The following JPH4 variants were observed in gnomAD, a reference collection of about 807,000 sequenced individuals.
JPH4 encodes junctophilin 4.
Under a neutral mutation model 57.6 loss-of-function variants are expected in JPH4, and 18 were observed. The ratio of observed to expected loss-of-function variants is 0.31; its 90% confidence interval spans 0.22 to 0.46. JPH4 has a LOEUF of 0.46. JPH4 is among the 20% of genes least tolerant of loss of function. The pLI is 1.00. For synonymous variants in JPH4, 425 were observed against 406.6 expected (o/e 1.05, Z -0.54); for missense variants, 727 against 911.1 (o/e 0.80, Z 2.60).
chr14:23,571,771 A>G lies in JPH4; in HGVS notation c.1270+31T>C, dbSNP rs1356958726. 3.2e-6 allele frequency: 5 copies of G among 1,586,988 alleles called. No homozygotes were observed. Among genetic ancestry groups the G allele is most frequent in the Non-Finnish European group, 4.3e-6 (5 of 1,159,336 alleles). The stretch of plus-strand genomic sequence containing the variant: ...GCCTCTCTAGCTCCCTAGGGGCCTC[A>G]CTGCCCTCCCCCCAGCTGTCCATGC... On this transcript the variant is annotated intron_variant, in intron 4 of 5. Coordinates refer to ENST00000356300, the MANE Select transcript of JPH4 (RefSeq NM_001146028.2). The surrounding 1 kb of genome is among the most constrained non-coding windows in gnomAD (Gnocchi z 4.6).
rs1888922054 is a variant in JPH4 at position 23,568,686 on chromosome 14, TG to T, written c.*947del. 1.0e-6 allele frequency: 1 copy of T among 985,750 alleles called. No homozygotes were observed. The highest frequency in any genetic ancestry group is 1.7e-5 in the African/African-American group (1 of 57,204). The allele number at this position is 985,750 out of a possible 1,614,324, so 61.1% of individuals were successfully genotyped here. A position where few individuals can be genotyped will look rare whatever the true frequency, so the allele number is the denominator to read the frequency against. Reference sequence around the variant, plus strand: ...CTCCTCCCACCACAACTCCCAGAGTTGGGATGTGGGGGCCTTGCTCAAGTGC... The same window carrying T: ...CTCCTCCCACCACAACTCCCAGAGTTGGATGTGGGGGCCTTGCTCAAGTGC... On this transcript the variant is annotated 3_prime_UTR_variant, in exon 6 of 6. Transcript: ENST00000356300.
rs1372044210 is a variant in JPH4 at position 23,575,885 on chromosome 14, G to A, written c.951C>T (p.Tyr317=). Residue 317 remains tyrosine, a synonymous_variant, in exon 3 of 6, where the codon TAC becomes TAT. Transcript: ENST00000356300. The surrounding 1 kb of genome is among the most constrained non-coding windows in gnomAD (Gnocchi z 6.9). Reference sequence around the variant, plus strand: ...AGCCGTCGGGGCGGGTGGTGCGCCCGTAGCCGTGCCGCCGGTTGCCCAGCC... The same window carrying A: ...AGCCGTCGGGGCGGGTGGTGCGCCCATAGCCGTGCCGCCGGTTGCCCAGCC... The part of the protein sequence containing the change: ...GEWLGNRRHG[Y]GRTTRPDGSR... 9.5e-6 allele frequency: 15 copies of A among 1,573,440 alleles called. No individual in the cohort carries two copies. In the East Asian group the frequency reaches 2.5e-4, roughly 27 times the overall value.
Position 23,571,174 on chromosome 14 carries a change from C to T in JPH4, c.1557G>A (p.Gly519=). Residue 519 remains glycine (G), a synonymous_variant, in exon 5 of 6, where the codon GGG becomes GGA. Coordinates refer to ENST00000356300, the MANE Select transcript of JPH4 (RefSeq NM_001146028.2). The surrounding 1 kb of genome is among the most constrained non-coding windows in gnomAD (Gnocchi z 4.6). ...CGTCTCTGGGCCCTGGCCCTTGCATCCCAGCCTCATCCTCAGCCTCATAGC... is the reference window on the plus strand; with the variant it reads ...CGTCTCTGGGCCCTGGCCCTTGCATTCCAGCCTCATCCTCAGCCTCATAGC... The part of the protein sequence containing the change: ...LAGYEAEDEA[G]MQGPGPRDGS... 1.2e-6 allele frequency: 2 copies of T among 1,614,122 alleles called. No homozygotes were observed. The highest frequency in any genetic ancestry group is 1.1e-5 in the South Asian group (1 of 91,084).
In JPH4 at chr14:23,571,047, T is replaced by C. The variant is rs1299348027; in HGVS notation, c.1684A>G (p.Thr562Ala). Residue 562 changes from threonine (T) to alanine (A), a missense_variant, in exon 5 of 6, where the codon ACG becomes GCG. Around this residue, in one of 7 missense-constraint regions of JPH4, gnomAD observed 293 missense variants for 279.8 expected, o/e 1.05. Transcript: ENST00000356300. The surrounding 1 kb of genome is among the most constrained non-coding windows in gnomAD (Gnocchi z 4.6). The part of the protein sequence containing the change: ...PLPPLRAPAG[T>A]EPEPIAMLVL... ...AGCATGGCGATGGGCTCAGGCTCCGTGCCTGCTGGGGCCCTCAGCGGGGGC... is the reference window on the plus strand; with the variant it reads ...AGCATGGCGATGGGCTCAGGCTCCGCGCCTGCTGGGGCCCTCAGCGGGGGC... 6.2e-7 allele frequency: 1 copy of C among 1,607,656 alleles called. No homozygotes were observed. The highest frequency in any genetic ancestry group is 8.5e-7 in the Non-Finnish European group (1 of 1,176,590).
Position 23,575,778 on chromosome 14 carries a change from C to A in JPH4, c.1058G>T (p.Arg353Leu). 1 of 1,596,878 alleles carries A rather than the reference C, an allele frequency of 6.3e-7. No individual in the cohort carries two copies. Among genetic ancestry groups the A allele is most frequent in the Non-Finnish European group, 8.5e-7 (1 of 1,173,258 alleles). ...VRSLLPLALR[R>L]GKVKEKVDRA... Reference sequence around the variant, plus strand: ...GTCCACCTTCTCCTTAACCTTGCCCCGCCGAAGGGCCAGAGGCAGGAGACT... The same window carrying A: ...GTCCACCTTCTCCTTAACCTTGCCCAGCCGAAGGGCCAGAGGCAGGAGACT... The change falls in exon 3 of 6, where the codon CGG (arginine) becomes CTG (leucine). Residue 353 changes from arginine to leucine, a missense_variant. Around this residue, in one of 7 missense-constraint regions of JPH4, gnomAD observed 112 missense variants for 199.4 expected, o/e 0.56. Coordinates refer to ENST00000356300, the MANE Select transcript of JPH4 (RefSeq NM_001146028.2). The surrounding 1 kb of genome is among the most constrained non-coding windows in gnomAD (Gnocchi z 6.9).
In JPH4 at chr14:23,569,375, T is replaced by C. The variant is rs1207879493; in HGVS notation, c.*259A>G. 2.1e-6 allele frequency: 1 copy of C among 467,530 alleles called. No homozygotes were observed. Among genetic ancestry groups the C allele is most frequent in the African/African-American group, 2.0e-5 (1 of 50,294 alleles). 29.0% of individuals were successfully genotyped at this position (467,530 alleles called of 1,614,324 possible). A position where few individuals can be genotyped will look rare whatever the true frequency, so the allele number is the denominator to read the frequency against. On this transcript the variant is annotated 3_prime_UTR_variant, in exon 6 of 6. Transcript: ENST00000356300. This position sits in a 1 kb window ranked among gnomAD's most constrained non-coding sequence, Gnocchi z 4.8. ...CTGAGAGAGAAAAGCCCTTCATATG[T>C]AAACAATCTAGAGAAAGAAGGGGTT...
At chr14:23,570,520 C>T (rs1358363302) in intron 5 of JPH4, among the ~76,000 whole-genome samples, 4 of 151,996 alleles carry the variant, frequency 2.6e-5, no homozygotes, top group African/African-American at 2.4e-5. Flanking sequence ...TACAGGCGCC[C>T]GCCACCACGC....
Position 23,568,822 on chromosome 14 carries a change from G to C in JPH4, c.*812C>G. The stretch of plus-strand genomic sequence containing the variant: ...TAAACTATTATGGGGGAGACAGAAG[G>C]GTGGGAGAAGTCAGTGGCAAAGTCT... On this transcript the variant is annotated 3_prime_UTR_variant, in exon 6 of 6. Transcript: ENST00000356300. 1.0e-6 allele frequency: 1 copy of C among 985,822 alleles called. No individual in the cohort carries two copies. Among genetic ancestry groups the C allele is most frequent in the Non-Finnish European group, 1.2e-6 (1 of 829,910 alleles). 61.1% of individuals were successfully genotyped at this position (985,822 alleles called of 1,614,324 possible).
chr14:23,569,869 C>T lies in JPH4; in HGVS notation c.1804-152G>A, dbSNP rs80178289. 4 of 599,872 alleles carry T rather than the reference C, an allele frequency of 6.7e-6. No homozygotes were observed. Among genetic ancestry groups the T allele is most frequent in the African/African-American group, 3.8e-5 (2 of 53,144 alleles). The allele number at this position is 599,872 out of a possible 1,614,324, so 37.2% of individuals were successfully genotyped here. On this transcript the variant is annotated intron_variant, in intron 5 of 5. Coordinates refer to ENST00000356300, the MANE Select transcript of JPH4 (RefSeq NM_001146028.2). This position sits in a 1 kb window ranked among gnomAD's most constrained non-coding sequence, Gnocchi z 4.8. ...CAACATTTGTTTTGGATTGCAAAAC[C>T]CCCTCTTCTCCCAGGCAGGGCCCCA...
At position 23,575,925 on chromosome 14, in the gene JPH4, C is replaced by A. The variant is rs1330992083; in HGVS notation, c.911G>T (p.Arg304Leu). 4 of 1,562,464 alleles carry A rather than the reference C, an allele frequency of 2.6e-6. No individual in the cohort carries two copies. The highest frequency in any genetic ancestry group is 2.6e-6 in the Non-Finnish European group (3 of 1,161,128). The stretch of plus-strand genomic sequence containing the variant: ...GTTGCCCAGCCACTCGCCCTCGTAG[C>A]GCAGCCCGTTGGAGCGCTGGCTGAC... ...FGVSQRSNGL[R>L]YEGEWLGNRR... The change falls in exon 3 of 6, where the codon CGC becomes CTC. Residue 304 changes from arginine (R) to leucine (L), a missense_variant. This residue lies in a region of JPH4 where 112 missense variants were observed against 199.4 expected (regional missense o/e 0.56). Coordinates refer to ENST00000356300, the MANE Select transcript of JPH4 (RefSeq NM_001146028.2). The surrounding 1 kb of genome is among the most constrained non-coding windows in gnomAD (Gnocchi z 6.9).
intron 3 of JPH4, chr14:23,573,067 C>A: frequency 3.0e-6 from 2 of 658,674 alleles, no homozygotes. Context: ...TTGAATTGAT[C>A]ACACCCCATG....
chr14:23,576,158 G>C lies in JPH4; in HGVS notation c.678C>G (p.Ser226Arg). ...TGCGACGTCCGCCCGCTCGGAGCCCGCTGAGCAGCAGCGAACGGCGAAAGA... is the reference window on the plus strand; with the variant it reads ...TGCGACGTCCGCCCGCTCGGAGCCCCCTGAGCAGCAGCGAACGGCGAAAGA... The part of the protein sequence containing the change: ...GGFFRRSLLL[S>R]GLRAGGRRSS... The change falls in exon 3 of 6, where the codon AGC becomes AGG. Residue 226 changes from serine (S) to arginine (R), a missense_variant. By Grantham distance (110) the Ser-to-Arg change is moderately radical. Around this residue, in one of 7 missense-constraint regions of JPH4, gnomAD observed 131 missense variants for 156.5 expected, o/e 0.84. Transcript: ENST00000356300. The surrounding 1 kb of genome is among the most constrained non-coding windows in gnomAD (Gnocchi z 8.0). 3 of 1,307,304 alleles carry C rather than the reference G, an allele frequency of 2.3e-6. No individual in the cohort carries two copies. The highest frequency in any genetic ancestry group is 2.9e-6 in the Non-Finnish European group (3 of 1,027,716). The allele number at this position is 1,307,304 out of a possible 1,614,324, so 81.0% of individuals were successfully genotyped here.
Position 23,574,235 on chromosome 14 carries a change from C to T in JPH4, c.1151+1450G>A, listed in dbSNP as rs964027334. On this transcript the variant is annotated intron_variant, in intron 3 of 5. Transcript: ENST00000356300. ...TCTCGCCCAGGCTAGAGTGCAGTGG[C>T]GTGGTCTCGGCTCACTGCAACCTCT... 4.0e-5 allele frequency among the ~76,000 whole-genome samples: 6 copies of T among 150,554 alleles called. No homozygotes were observed. In the South Asian group the frequency reaches 8.4e-4, roughly 21 times the overall value.
chr14:23,571,443 C>T lies in JPH4; in HGVS notation c.1288G>A (p.Asp430Asn), dbSNP rs543566356. Residue 430 changes from aspartate (D) to asparagine (N), a missense_variant, in exon 5 of 6, where the codon GAC (aspartate) becomes AAC (asparagine). Physicochemically the swap from Asp to Asn is conservative, Grantham distance 23. Around this residue, in one of 7 missense-constraint regions of JPH4, gnomAD observed 293 missense variants for 279.8 expected, o/e 1.05. Transcript: ENST00000356300. The surrounding 1 kb of genome is among the most constrained non-coding windows in gnomAD (Gnocchi z 4.6). ...LEAPGRRPRQ[D>N]SEGSDTEPLD... Reference sequence around the variant, plus strand: ...GGCTCCGTGTCGGAACCTTCTGAGTCCTGCCTGGGTCTGCGGCCTGGGTAG... The same window carrying T: ...GGCTCCGTGTCGGAACCTTCTGAGTTCTGCCTGGGTCTGCGGCCTGGGTAG... The T allele has an allele frequency of 1.3e-6, 2 of 1,599,202 alleles. No homozygotes were observed. The highest frequency in any genetic ancestry group is 1.7e-5 in the Admixed American group (1 of 59,952).
Position 23,571,104 on chromosome 14 carries a change from G to C in JPH4, c.1627C>G (p.Arg543Gly). The stretch of plus-strand genomic sequence containing the variant: ...TCTTCATCCTCCCCCTCCTCCTCTC[G>C]AAGACTTCCTGAACTGTCGCTGCAG... Reference protein sequence around the residue: ...GGCSDSSGSLREEEGEDEEPL... With the variant: ...GGCSDSSGSLGEEEGEDEEPL... The change falls in exon 5 of 6, where the codon CGA (arginine) becomes GGA (glycine). Residue 543 changes from arginine (R) to glycine (G), a missense_variant. Arg to Gly is a moderately radical substitution (Grantham distance 125). This residue lies in a region of JPH4 where 293 missense variants were observed against 279.8 expected (regional missense o/e 1.05). Transcript: ENST00000356300. This position sits in a 1 kb window ranked among gnomAD's most constrained non-coding sequence, Gnocchi z 4.6. 6.2e-7 allele frequency: 1 copy of C among 1,614,038 alleles called. No individual in the cohort carries two copies. Among genetic ancestry groups the C allele is most frequent in the Non-Finnish European group, 8.5e-7 (1 of 1,179,966 alleles).
chr14:23,573,778 C>G (rs1325657411), intron 3 of JPH4, among the ~76,000 whole-genome samples: 1 of 152,178 alleles, frequency 6.6e-6, no homozygotes, highest in East Asian at 1.9e-4. Context: ...TCCACCCTAT[C>G]TAGCCTAAAA....
chr14:23,571,784 C>A lies in JPH4; in HGVS notation c.1270+18G>T, dbSNP rs200257620. ...CCTAGGGGCCTCACTGCCCTCCCCC[C>A]AGCTGTCCATGCCTCACCTGGGGCC... is the stretch of plus-strand genomic sequence containing the variant. On this transcript the variant is annotated intron_variant, in intron 4 of 5. Transcript: ENST00000356300. This position sits in a 1 kb window ranked among gnomAD's most constrained non-coding sequence, Gnocchi z 4.6. The A allele has an allele frequency of 3.7e-5, 59 of 1,606,576 alleles. No homozygotes were observed. The highest frequency in any genetic ancestry group is 4.4e-5 in the Non-Finnish European group (52 of 1,175,872).
rs1889158582 is a variant in JPH4 at position 23,571,904 on chromosome 14, G to A, written c.1168C>T (p.Leu390=). The change falls in exon 4 of 6, where the codon CTA becomes TTA. Residue 390 remains leucine, a synonymous_variant. Coordinates refer to ENST00000356300, the MANE Select transcript of JPH4 (RefSeq NM_001146028.2). The surrounding 1 kb of genome is among the most constrained non-coding windows in gnomAD (Gnocchi z 4.6). ...ACACTGCTGGCTGCCACTGCCTTTAGGAGGGCGTCTGCTGCCCTGTCGGGT... is the reference window on the plus strand; with the variant it reads ...ACACTGCTGGCTGCCACTGCCTTTAAGAGGGCGTCTGCTGCCCTGTCGGGT... The part of the protein sequence containing the change: ...IAAARAADAL[L]KAVAASSVAE... The A allele has an allele frequency of 6.2e-7, 1 of 1,612,318 alleles. No homozygotes were observed. The highest frequency in any genetic ancestry group is 1.1e-5 in the South Asian group (1 of 91,084).
At chr14:23,570,871 G>A (rs1889116289) in intron 5 of JPH4, 57 bp downstream of exon 5, 1 of 1,443,654 alleles carries the variant, frequency 6.9e-7, no homozygotes, top group Admixed American at 3.0e-5. Context: ...GTTCTGGAAA[G>A]GGTGGGAGGC....
Sources: gnomAD v4.1 joint callset for allele counts (sites outside exome capture counted in the v4.1 genomes callset) on GRCh38, gnomAD v4.1.1 for gene constraint, gnomAD v4.1.1 regional missense constraint, Gnocchi (gnomAD v3.1) non-coding constraint, MANE v1.5 for transcripts, NCBI Gene and HGNC (gene_info 2026-07-23, HGNC 2026-07-21) for gene names.